Variants in DISC1 observed in about 807,000 individuals in gnomAD.
DISC1 encodes the protein DISC1 scaffold protein.
DISC1 carries 57 observed loss-of-function variants against 84.5 expected under a neutral mutation model. That is an observed-to-expected ratio of 0.67 (90% CI 0.55 to 0.84). The LOEUF is 0.84. DISC1 is among the 40% of genes least tolerant of loss of function. DISC1 has a pLI of 0.00. For synonymous variants in DISC1, 411 were observed against 415.2 expected, an observed-to-expected ratio of 0.99 and a Z score of 0.12; for missense variants, 1,000 against 1,057.8, an observed-to-expected ratio of 0.95 and a Z score of 0.76.
intron 8 of DISC1, among the ~76,000 whole-genome samples, chr1:231,807,742 T>C (rs1475777747): frequency 6.6e-6 from 1 of 152,230 alleles, no homozygotes; most frequent in Non-Finnish European, 1.5e-5. Context: ...CACTGTGTGT[T>C]GGCAGGCTTC....
intron 9 of DISC1, among the ~76,000 whole-genome samples, chr1:231,879,201 C>A (rs1210145060): frequency 6.6e-6 from 1 of 151,792 alleles, no homozygotes. Context: ...CTTTGAGCGT[C>A]ATGTCAGTGT....
At chr1:231,641,839 T>C (rs1239872693) in intron 1 of DISC1, among the ~76,000 whole-genome samples, 2 of 152,106 alleles carry the variant, frequency 1.3e-5, no homozygotes, top group African/African-American at 4.8e-5. Flanking sequence ...GAGCTAGACA[T>C]AAAGGTTCTC....
At chr1:231,948,471 G>C (rs1657676400) in intron 9 of DISC1, among the ~76,000 whole-genome samples, 2 of 152,112 alleles carry the variant, frequency 1.3e-5, no homozygotes, top group Admixed American at 1.3e-4. Context: ...GGGGGGCTCG[G>C]GAAGGGATAG....
At chr1:231,887,381 G>A (rs1461114906) in intron 9 of DISC1, among the ~76,000 whole-genome samples, 1 of 152,170 alleles carries the variant, frequency 6.6e-6, no homozygotes, top group Non-Finnish European at 1.5e-5. Flanking sequence ...GCACCAAGGA[G>A]TTATGTAGCG....
At chr1:231,834,457 A>G (rs1345426113) in intron 9 of DISC1, among the ~76,000 whole-genome samples, 1 of 152,208 alleles carries the variant, frequency 6.6e-6, no homozygotes, top group African/African-American at 2.4e-5. Context: ...TCTGGACGTC[A>G]GGCATCTCAG....
At chr1:231,735,020 A>G (rs1047398740) in intron 3 of DISC1, among the ~76,000 whole-genome samples, 6 of 152,226 alleles carry the variant, frequency 3.9e-5, no homozygotes, top group African/African-American at 1.4e-4. Context: ...AGCATAAGTA[A>G]CTTGTAGGTT....
intron 9 of DISC1, among the ~76,000 whole-genome samples, chr1:231,889,463 C>G (rs1283747558): frequency 6.6e-6 from 1 of 152,202 alleles, no homozygotes; most frequent in East Asian, 1.9e-4. Context: ...TGTGATAAAA[C>G]AGCAAACGTC....
chr1:231,929,177 G>T (rs974080078), intron 9 of DISC1, among the ~76,000 whole-genome samples: 10 of 152,080 alleles, frequency 6.6e-5, no homozygotes, highest in Non-Finnish European at 1.5e-4. Context: ...TCCCACTATT[G>T]TTGTGTGGGA....
In DISC1 at chr1:232,037,234, A is replaced by G. The variant is rs1472233874; in HGVS notation, c.*403A>G. On this transcript the variant is annotated 3_prime_UTR_variant, in exon 13 of 13. Transcript: ENST00000439617. ...AAAATATTTCCTGATTCAAGATTCTATAAAAAGGAAACCAAGCATAAGACT... is the reference window on the plus strand; with the variant it reads ...AAAATATTTCCTGATTCAAGATTCTGTAAAAAGGAAACCAAGCATAAGACT... The G allele has an allele frequency of 6.5e-6, 1 of 153,560 alleles. No homozygotes were observed. The highest frequency in any genetic ancestry group is 2.4e-5 in the African/African-American group (1 of 41,434). The allele number at this position is 153,560 out of a possible 1,614,324, so 9.5% of individuals were successfully genotyped here. A position where few individuals can be genotyped will look rare whatever the true frequency, so the allele number is the denominator to read the frequency against.
At chr1:232,022,996 C>A (rs997289350) in intron 11 of DISC1, among the ~76,000 whole-genome samples, 6 of 152,036 alleles carry the variant, frequency 3.9e-5, no homozygotes, top group African/African-American at 1.5e-4. Flanking sequence ...GAATTTGTTC[C>A]CTTATGCTAC....
rs555944886 is a variant in DISC1, at chr1:231,985,290, C to T, written c.2043-23495C>T. On this transcript the variant is annotated intron_variant, in intron 10 of 12. Coordinates refer to ENST00000439617, the MANE Select transcript of DISC1 (RefSeq NM_018662.3). ...GTAGTGAGCTGAGATTGTGCCATTG[C>T]ACTCCAACCTGGGCAACAAGAGTGA... Among the ~76,000 whole-genome samples the T allele has an allele frequency of 7.4e-5, 11 of 148,200 alleles. No homozygotes were observed. In the East Asian group the frequency reaches 1.8e-3, roughly 24 times the overall value.
Position 232,003,401 on chromosome 1 carries a change from G to T in DISC1, c.2043-5384G>T, listed in dbSNP as rs1572587487. ...AATGAAAATTGTCACATACAGAAAA[G>T]AAGCAGTTAGAAAATTTAATGATTG... is the stretch of plus-strand genomic sequence containing the variant. On this transcript the variant is annotated intron_variant, in intron 10 of 12. Transcript: ENST00000439617. Among the ~76,000 whole-genome samples, 4 of 152,212 alleles carry T rather than the reference G, an allele frequency of 2.6e-5. 1 individual carries two copies. Among genetic ancestry groups the T allele is most frequent in the Admixed American group, 2.6e-4 (4 of 15,296 alleles).
intron 9 of DISC1, among the ~76,000 whole-genome samples, chr1:231,945,909 A>G (rs192270792): frequency 6.6e-6 from 1 of 152,356 alleles, no homozygotes; most frequent in East Asian, 1.9e-4. Flanking sequence ...CGTCTAAACC[A>G]GGAAGGAGTG....
At chr1:231,763,641 G>A (rs2075953265) in intron 4 of DISC1, among the ~76,000 whole-genome samples, 1 of 152,214 alleles carries the variant, frequency 6.6e-6, no homozygotes, top group Admixed American at 6.5e-5. Flanking sequence ...ATTGCACCAT[G>A]GTTGGTTGGT....
At chr1:231,920,827 GT>G (rs1373859461) in intron 9 of DISC1, among the ~76,000 whole-genome samples, 3 of 151,472 alleles carry the variant, frequency 2.0e-5, no homozygotes, top group Non-Finnish European at 4.4e-5. Flanking sequence ...TGATGTTCAA[GT>G]TAACTGGGCA....
chr1:231,879,466 T>C (rs142617380), intron 9 of DISC1, among the ~76,000 whole-genome samples: 1 of 152,114 alleles, frequency 6.6e-6, no homozygotes, highest in African/African-American at 2.4e-5. Context: ...TAGCCAGTGA[T>C]GTGATCAGAT....
chr1:231,878,143 G>T (rs1209989878), intron 9 of DISC1, among the ~76,000 whole-genome samples: 5 of 152,132 alleles, frequency 3.3e-5, no homozygotes, highest in Admixed American at 3.3e-4. Flanking sequence ...TGCTGGGCTC[G>T]GTGCTGCAGA....
chr1:231,920,904 T>C (rs1275783456), intron 9 of DISC1, among the ~76,000 whole-genome samples: 2 of 107,750 alleles, frequency 1.9e-5, no homozygotes, highest in Non-Finnish European at 3.6e-5. Flanking sequence ...ACTGAACTGC[T>C]ATTTTTTTTT....
intron 1 of DISC1, among the ~76,000 whole-genome samples, chr1:231,671,098 C>T (rs1167476365): frequency 6.6e-6 from 1 of 152,044 alleles, no homozygotes; most frequent in African/African-American, 2.4e-5. Flanking sequence ...AGTCAGGATT[C>T]ATTCTTTTTT....
Sources: gnomAD v4.1 joint callset for allele counts (sites outside exome capture counted in the v4.1 genomes callset) on GRCh38, gnomAD v4.1.1 for gene constraint, MANE v1.5 for transcripts, NCBI Gene and HGNC (gene_info 2026-07-23, HGNC 2026-07-21) for gene names.